Variants in TSPAN18 observed in about 807,000 individuals in gnomAD.
TSPAN18 encodes the protein tetraspanin-18.
Under a neutral mutation model 27.3 loss-of-function variants are expected in TSPAN18, and 14 were observed. That is an observed-to-expected ratio of 0.51 (90% CI 0.34 to 0.80). The LOEUF (loss-of-function observed/expected upper bound fraction) is 0.80. TSPAN18 is among the 30% of genes least tolerant of loss of function. The pLI, the probability that TSPAN18 is intolerant of heterozygous loss-of-function variation, is 0.01. For synonymous variants in TSPAN18, 143 were observed against 136.5 expected (o/e 1.05, Z -0.33); for missense variants, 268 against 323.9 (o/e 0.83, Z 1.32).
rs75995004 is a variant in TSPAN18, at chr11:44,917,744, G to T, written c.259-228G>T. 3,471 of 579,866 alleles carry T rather than the reference G, an allele frequency of 6.0e-3. 84 individuals carry two copies. Among genetic ancestry groups the T allele is most frequent in the African/African-American group, 0.057 (3,027 of 53,566 alleles). The allele number at this position is 579,866 out of a possible 1,614,324, so 35.9% of individuals were successfully genotyped here. ...TCTAAGGGTACCATTTGCATGGAAG[G>T]TATATATTTGTTTATTCTTTTCATA... On this transcript the variant is annotated intron_variant, in intron 5 of 9. Coordinates refer to ENST00000520358, the MANE Select transcript of TSPAN18 (RefSeq NM_130783.5).
chr11:44,799,958 G>A (rs1006491025), intron 2 of TSPAN18, among the ~76,000 whole-genome samples: 2 of 150,378 alleles, frequency 1.3e-5, no homozygotes, highest in Admixed American at 6.6e-5. Context: ...AGCCTCCCGA[G>A]TAGCTGTGAT....
intron 8 of TSPAN18, among the ~76,000 whole-genome samples, chr11:44,922,970 G>A (rs532928075): frequency 1.7e-4 from 26 of 152,282 alleles, no homozygotes; most frequent in Admixed American, 3.9e-4. Context: ...TTAGCCTGGC[G>A]TGGTGGCATG....
intron 1 of TSPAN18, among the ~76,000 whole-genome samples, chr11:44,760,000 T>G (rs1855416016): frequency 6.6e-6 from 1 of 152,116 alleles, no homozygotes. Context: ...AACTCAGGGT[T>G]AGGAAAGGAA....
intron 3 of TSPAN18, chr11:44,903,841 C>T (rs1260844509): frequency 2.2e-6 from 1 of 456,612 alleles, no homozygotes; most frequent in African/African-American, 2.0e-5. Flanking sequence ...CACTCACTAG[C>T]TGTGACCTCA....
intron 3 of TSPAN18, among the ~76,000 whole-genome samples, chr11:44,884,826 AT>A (rs1204686182): frequency 3.9e-5 from 6 of 152,184 alleles, no homozygotes; most frequent in Non-Finnish European, 5.9e-5. Context: ...AGCTTTCTGG[AT>A]AGGCAGTTCT....
Position 44,926,724 on chromosome 11 carries a change from C to T in TSPAN18, c.666C>T (p.Ala222=), listed in dbSNP as rs559073164. 3.2e-5 allele frequency: 51 copies of T among 1,614,146 alleles called. 1 individual carries two copies. Among genetic ancestry groups the T allele is most frequent in the South Asian group, 2.2e-4 (20 of 91,084 alleles). ...LNTFETYVYL[A]GALAIGVLAI... is the part of the protein sequence containing the mutation. ...CCTTCGAGACCTACGTCTACTTGGC[C>T]GGAGCCCTTGCCATCGGGGTACTGG... is the stretch of plus-strand genomic sequence containing the variant. Residue 222 remains alanine, a synonymous_variant, in exon 9 of 10, where the codon GCC becomes GCT. Coordinates refer to ENST00000520358, the MANE Select transcript of TSPAN18 (RefSeq NM_130783.5).
intron 4 of TSPAN18, among the ~76,000 whole-genome samples, chr11:44,908,748 G>A (rs11038199): frequency 1.8e-5 from 1 of 54,552 alleles, no homozygotes; most frequent in Non-Finnish European, 3.6e-5. Context: ...GAAAGAAAGA[G>A]AGAGAGAGAG....
chr11:44,847,383 A>G (rs1857507399), intron 2 of TSPAN18, among the ~76,000 whole-genome samples: 1 of 152,182 alleles, frequency 6.6e-6, no homozygotes, highest in Non-Finnish European at 1.5e-5. Context: ...TTGAGGCAAA[A>G]TTTACATAAC....
chr11:44,757,430 T>A (rs1417146881), intron 1 of TSPAN18, among the ~76,000 whole-genome samples: 1 of 152,082 alleles, frequency 6.6e-6, no homozygotes, highest in Non-Finnish European at 1.5e-5. Context: ...GTTGCCCAGG[T>A]TGGAGTGCAG....
At chr11:44,827,977 G>A (rs748185392) in intron 2 of TSPAN18, among the ~76,000 whole-genome samples, 1 of 152,224 alleles carries the variant, frequency 6.6e-6, no homozygotes. Flanking sequence ...CCACCTGGCT[G>A]TTTGGTTTGA....
chr11:44,891,902 A>G (rs1590638890), intron 3 of TSPAN18, among the ~76,000 whole-genome samples: 1 of 152,304 alleles, frequency 6.6e-6, no homozygotes, highest in East Asian at 1.9e-4. Context: ...CGTAGGCAGG[A>G]GTGAATGAAT....
At chr11:44,782,336 G>A (rs1855957037) in intron 2 of TSPAN18, among the ~76,000 whole-genome samples, 1 of 152,100 alleles carries the variant, frequency 6.6e-6, no homozygotes, top group Non-Finnish European at 1.5e-5. Context: ...GAGGTCAGGA[G>A]TTCGAGACCA....
intron 1 of TSPAN18, among the ~76,000 whole-genome samples, chr11:44,743,065 C>T (rs530026251): frequency 2.0e-5 from 3 of 152,288 alleles, no homozygotes; most frequent in East Asian, 1.9e-4. Context: ...CCCTGGGGAC[C>T]GGCAGACCAT....
intron 2 of TSPAN18, among the ~76,000 whole-genome samples, chr11:44,807,527 CAAAAAAAAA>C (rs59241339): frequency 7.9e-4 from 51 of 64,474 alleles, no homozygotes; most frequent in Non-Finnish European, 1.1e-3. Flanking sequence ...AACTCCATCT[CAAAAAAAAA>C]AAAAAAAAAA....
chr11:44,763,147 CATT>C (rs769198276), intron 1 of TSPAN18, among the ~76,000 whole-genome samples: 1 of 152,202 alleles, frequency 6.6e-6, no homozygotes, highest in Non-Finnish European at 1.5e-5. Context: ...GGTTGATCAT[CATT>C]ATCATTCGAG....
intron 2 of TSPAN18, among the ~76,000 whole-genome samples, chr11:44,807,527 C>CAAAAAAAAAAAAAAAAAAAAAA (rs59241339): frequency 9.3e-5 from 6 of 64,480 alleles, no homozygotes; most frequent in Admixed American, 2.0e-4. Context: ...AACTCCATCT[C>CAAAAAAAAAAAAAAAAAAAAAA]AAAAAAAAAA....
chr11:44,778,834 C>G (rs75583192), intron 2 of TSPAN18, among the ~76,000 whole-genome samples: 35 of 152,226 alleles, frequency 2.3e-4, no homozygotes, highest in African/African-American at 6.5e-4. Flanking sequence ...CAGCTGACAC[C>G]AAGGGCAGGG....
chr11:44,798,324 C>A (rs1565154167), intron 2 of TSPAN18, among the ~76,000 whole-genome samples: 1 of 152,224 alleles, frequency 6.6e-6, no homozygotes, highest in Non-Finnish European at 1.5e-5. Context: ...CACAGCAGCC[C>A]TGTGATGTGG....
chr11:44,882,585 GAGACAC>G (rs1404787505), intron 3 of TSPAN18, among the ~76,000 whole-genome samples: 12 of 92,554 alleles, frequency 1.3e-4, no homozygotes, highest in South Asian at 3.5e-4. Context: ...GTCAGAGAGA[GAGACAC>G]ACACACACAC....
Sources: allele counts gnomAD v4.1 joint callset (sites outside exome capture counted in the v4.1 genomes callset), GRCh38; gene constraint gnomAD v4.1.1; transcripts MANE v1.5; gene names NCBI Gene and HGNC (gene_info 2026-07-23, HGNC 2026-07-21).